Variants in SMOC2 observed in about 807,000 individuals in gnomAD.
SMOC2 encodes SPARC related modular calcium binding 2.
A neutral mutation model predicts 61.4 loss-of-function variants in SMOC2; 39 were observed. The observed-to-expected ratio is 0.64, with a 90% CI of 0.49 to 0.83. The LOEUF is 0.83. Ranked by LOEUF, SMOC2 falls within the 40% of genes least tolerant of loss-of-function variation. SMOC2 has a pLI of 0.00. For synonymous variants in SMOC2, 247 were observed against 239.9 expected (o/e 1.03, Z -0.27); for missense variants, 556 against 592.9 (o/e 0.94, Z 0.65).
intron 7 of SMOC2, among the ~76,000 whole-genome samples, chr6:168,567,700 A>G (rs576095083): frequency 6.6e-6 from 1 of 152,356 alleles, no homozygotes; most frequent in South Asian, 2.1e-4. Context: ...CCGAGACTAG[A>G]GGACTTGATT....
rs60932531 is a variant in SMOC2, at chr6:168,642,392, G to A, written c.908-8289G>A. Reference sequence around the variant, plus strand: ...CAAGTGTAGGCTACGGTCTGTTGACGTCTCCACTTGCTACAGTTCACAACG... The same window carrying A: ...CAAGTGTAGGCTACGGTCTGTTGACATCTCCACTTGCTACAGTTCACAACG... On this transcript the variant is annotated intron_variant, in intron 9 of 12. Coordinates refer to ENST00000356284, the MANE Select transcript of SMOC2 (RefSeq NM_001166412.2). Among the ~76,000 whole-genome samples, 89 of 152,300 alleles carry A rather than the reference G, an allele frequency of 5.8e-4. 1 individual carries two copies. In the East Asian group the frequency reaches 0.016, roughly 28 times the overall value.
chr6:168,625,625 G>T (rs1009476623), intron 9 of SMOC2, among the ~76,000 whole-genome samples: 3 of 152,224 alleles, frequency 2.0e-5, no homozygotes, highest in African/African-American at 7.2e-5. Flanking sequence ...CACGTTTTGT[G>T]CACTCGCTCT....
At chr6:168,495,759 G>A (rs140983571) in intron 1 of SMOC2, among the ~76,000 whole-genome samples, 2 of 152,206 alleles carry the variant, frequency 1.3e-5, no homozygotes, top group Admixed American at 6.5e-5. Flanking sequence ...TCACCTGCGC[G>A]GTTCCCTGGC....
intron 1 of SMOC2, among the ~76,000 whole-genome samples, chr6:168,493,696 A>C (rs1376789433): frequency 1.3e-5 from 2 of 152,220 alleles, no homozygotes; most frequent in African/African-American, 4.8e-5. Context: ...AATCCTAGGT[A>C]GTTAAAATTA....
intron 7 of SMOC2, among the ~76,000 whole-genome samples, chr6:168,550,423 A>G (rs970546531): frequency 6.6e-5 from 10 of 152,200 alleles, no homozygotes; most frequent in Non-Finnish European, 1.3e-4. Flanking sequence ...ACCCAACCTG[A>G]AAAGGACCCT....
chr6:168,591,407 CATTT>C (rs1482450899), intron 7 of SMOC2, among the ~76,000 whole-genome samples: 1 of 152,170 alleles, frequency 6.6e-6, no homozygotes, highest in Non-Finnish European at 1.5e-5. Flanking sequence ...ATTATTACAA[CATTT>C]ATACTACAGA....
At chr6:168,659,456 G>A (rs951968135) in intron 11 of SMOC2, among the ~76,000 whole-genome samples, 10 of 151,652 alleles carry the variant, frequency 6.6e-5, no homozygotes, top group Admixed American at 1.3e-4. Flanking sequence ...TAGGGTTGGT[G>A]AGAGTGGAGG....
intron 7 of SMOC2, among the ~76,000 whole-genome samples, chr6:168,586,987 G>A (rs1025865037): frequency 2.6e-5 from 4 of 152,098 alleles, no homozygotes; most frequent in African/African-American, 9.7e-5. Flanking sequence ...GACAGAGAAG[G>A]CTTTTCTCTA....
Position 168,441,417 on chromosome 6 carries a change from TC to T in SMOC2, c.50del (p.Pro17ArgfsTer14). The T allele has an allele frequency of 6.6e-7, 1 of 1,509,146 alleles. No individual in the cohort carries two copies. Among genetic ancestry groups the T allele is most frequent in the Non-Finnish European group, 8.8e-7 (1 of 1,133,358 alleles). 93.5% of individuals were successfully genotyped at this position (1,509,146 alleles called of 1,614,324 possible). On this transcript the variant is annotated frameshift_variant, in exon 1 of 13. Transcript: ENST00000356284. LOFTEE classifies it high-confidence loss of function. ...LCWLPLLAGLLPPVPAQKFSA... is the reference protein window; with the variant it reads ...LCWLPLLAGLXPPVPAQKFSA... ...TGGCTGCCGCTGCTCGCTGGGCTGC[TC>T]CCGCCGGTGCCCGCTCAGAAGTTCT...
chr6:168,481,917 G>A (rs117264023), intron 1 of SMOC2, among the ~76,000 whole-genome samples: 5,652 of 151,864 alleles, frequency 0.037, 162 homozygotes, highest in South Asian at 0.13. Context: ...AGGGAAAAAT[G>A]TATAGCTATT....
At chr6:168,556,363 G>A (rs971607340) in intron 7 of SMOC2, among the ~76,000 whole-genome samples, 4 of 152,138 alleles carry the variant, frequency 2.6e-5, no homozygotes, top group Non-Finnish European at 5.9e-5. Flanking sequence ...CTTTTAAGGG[G>A]AGTCCGGCTC....
intron 1 of SMOC2, among the ~76,000 whole-genome samples, chr6:168,490,841 T>A (rs1339688961): frequency 6.6e-6 from 1 of 152,198 alleles, no homozygotes; most frequent in Admixed American, 6.5e-5. Context: ...GGATTCCCGC[T>A]CAGCACTGAG....
chr6:168,526,974 C>T (rs1783470081), intron 3 of SMOC2, among the ~76,000 whole-genome samples: 1 of 152,128 alleles, frequency 6.6e-6, no homozygotes, highest in Admixed American at 6.5e-5. Context: ...TTGAGTGTGT[C>T]AATGCTGTTA....
chr6:168,445,606 C>T (rs2114988418), intron 1 of SMOC2, among the ~76,000 whole-genome samples: 1 of 152,282 alleles, frequency 6.6e-6, no homozygotes, highest in Non-Finnish European at 1.5e-5. Flanking sequence ...CTTGGATCTT[C>T]AAGGGAATTA....
intron 4 of SMOC2, among the ~76,000 whole-genome samples, chr6:168,538,329 G>C (rs1294982979): frequency 2.1e-5 from 3 of 140,648 alleles, no homozygotes; most frequent in African/African-American, 5.4e-5. Context: ...TGGGGGAGTG[G>C]GGTGACCGCT....
intron 1 of SMOC2, among the ~76,000 whole-genome samples, chr6:168,492,164 A>T (rs1782484577): frequency 6.6e-6 from 1 of 152,204 alleles, no homozygotes; most frequent in Non-Finnish European, 1.5e-5. Flanking sequence ...TGAAAGGAAA[A>T]ATATAGGACT....
At chr6:168,490,003 T>C (rs1202527774) in intron 1 of SMOC2, among the ~76,000 whole-genome samples, 1 of 151,792 alleles carries the variant, frequency 6.6e-6, no homozygotes, top group Admixed American at 6.6e-5. Context: ...ATCATCTGGG[T>C]CCCCTTGGAT....
In SMOC2 at chr6:168,544,441, G is replaced by T. The variant is rs1044256617; in HGVS notation, c.511+769G>T. Among the ~76,000 whole-genome samples, 8 of 152,148 alleles carry T rather than the reference G, an allele frequency of 5.3e-5. No homozygotes were observed. The highest frequency in any genetic ancestry group is 1.9e-4 in the African/African-American group (8 of 41,428). On this transcript the variant is annotated intron_variant, in intron 5 of 12. Coordinates refer to ENST00000356284, the MANE Select transcript of SMOC2 (RefSeq NM_001166412.2). The surrounding 1 kb of genome is among the most constrained non-coding windows in gnomAD (Gnocchi z 4.1). ...ATAATATAAACACAGACCAGGCCGA[G>T]GCAGGCAGATCACCTGAGGTCAGGA...
intron 7 of SMOC2, among the ~76,000 whole-genome samples, chr6:168,560,037 CAT>C (rs1269727795): frequency 6.6e-6 from 1 of 152,244 alleles, no homozygotes; most frequent in African/African-American, 2.4e-5. Context: ...TGAATGTGCA[CAT>C]GTGTATGTGT....
Sources: gnomAD v4.1 joint callset for allele counts (sites outside exome capture counted in the v4.1 genomes callset) on GRCh38, gnomAD v4.1.1 for gene constraint, Gnocchi (gnomAD v3.1) non-coding constraint, MANE v1.5 for transcripts, NCBI Gene and HGNC (gene_info 2026-07-23, HGNC 2026-07-21) for gene names.